GPR158: variants seen among roughly 807,000 people sequenced by gnomAD.
The protein encoded by GPR158 is G protein-coupled receptor 158, also known as metabotropic glycine receptor.
GPR158 carries 30 observed loss-of-function variants against 78.2 expected under a neutral mutation model. That is an observed-to-expected ratio of 0.38 (90% CI 0.29 to 0.52). The LOEUF is 0.52. Among genes scored for constraint, GPR158 ranks in the 20% least tolerant of loss-of-function variants. The pLI is 0.83. For missense variants in GPR158, 1,463 were observed against 1,523.5 expected (o/e 0.96, Z 0.66); for synonymous variants, 581 against 591.1 (o/e 0.98, Z 0.25).
chr10:25,473,182 C>T (rs1835533767), intron 5 of GPR158, among the ~76,000 whole-genome samples: 1 of 150,624 alleles, frequency 6.6e-6, no homozygotes, highest in Admixed American at 6.6e-5. Context: ...TGAATTTTGT[C>T]AAAGGCCTTT....
At chr10:25,368,180 C>G (rs1350917971) in intron 2 of GPR158, among the ~76,000 whole-genome samples, 3 of 151,838 alleles carry the variant, frequency 2.0e-5, no homozygotes, top group Admixed American at 2.0e-4. Context: ...TCCTTTCTGC[C>G]TTACTTCCCT....
Position 25,518,060 on chromosome 10 carries a change from G to A in GPR158, c.1405-32916G>A, listed in dbSNP as rs1198689249. ...TGCCACAATTTCAGCTCCTGTTATT[G>A]GTCTATTCAGAGATTCAACTTCTTC... On this transcript the variant is annotated intron_variant, in intron 5 of 10. Transcript: ENST00000376351. Among the ~76,000 whole-genome samples, 76 of 96,214 alleles carry A rather than the reference G, an allele frequency of 7.9e-4. 1 individual carries two copies. Among genetic ancestry groups the A allele is most frequent in the South Asian group, 1.0e-3 (3 of 2,882 alleles). The allele number at this position is 96,214 out of a possible 152,430, so 63.1% of individuals were successfully genotyped here. A position where few individuals can be genotyped will look rare whatever the true frequency, so the allele number is the denominator to read the frequency against.
At chr10:25,235,614 T>C (rs1345472999) in intron 2 of GPR158, among the ~76,000 whole-genome samples, 1 of 152,030 alleles carries the variant, frequency 6.6e-6, no homozygotes, top group Non-Finnish European at 1.5e-5. Context: ...CCACCCATAT[T>C]TCTTAACCTT....
intron 2 of GPR158, among the ~76,000 whole-genome samples, chr10:25,310,869 G>T (rs1854753942): frequency 6.6e-6 from 1 of 151,760 alleles, no homozygotes; most frequent in Non-Finnish European, 1.5e-5. Flanking sequence ...CTGGATTTTT[G>T]ATACACTTGG....
chr10:25,203,898 A>G (rs897398396), intron 1 of GPR158, among the ~76,000 whole-genome samples: 1 of 144,456 alleles, frequency 6.9e-6, no homozygotes, highest in East Asian at 2.1e-4. Context: ...TGAGCATGGA[A>G]TGTTCTTCCA....
rs1406435036 is a variant in GPR158, at chr10:25,599,217, T to C, written c.3591T>C (p.Ser1197=). The C allele has an allele frequency of 1.2e-6, 2 of 1,612,500 alleles. No homozygotes were observed. The highest frequency in any genetic ancestry group is 1.7e-6 in the Non-Finnish European group (2 of 1,179,848). Residue 1197 remains serine (S), a synonymous_variant, in exon 11 of 11, where the codon AGT becomes AGC. Coordinates refer to ENST00000376351, the MANE Select transcript of GPR158 (RefSeq NM_020752.3). ...CTTTACCTGCCTCTTCTGCTCTAAG[T>C]GCAAATAAGATAGCAGGGCCTAGGA... ...SVALPASSAL[S]ANKIAGPRKE... is the part of the protein sequence containing the mutation.
intron 7 of GPR158, among the ~76,000 whole-genome samples, chr10:25,587,165 C>T (rs1405408993): frequency 6.6e-6 from 1 of 152,148 alleles, no homozygotes; most frequent in African/African-American, 2.4e-5. Flanking sequence ...GTCTCATTGT[C>T]CAGATGCAGT....
intron 5 of GPR158, among the ~76,000 whole-genome samples, chr10:25,549,089 A>G (rs1836698674): frequency 6.6e-6 from 1 of 152,272 alleles, no homozygotes; most frequent in African/African-American, 2.4e-5. Context: ...GCTCCCAAGA[A>G]TCCACTGTTT....
intron 1 of GPR158, among the ~76,000 whole-genome samples, chr10:25,185,165 C>T (rs1358644777): frequency 1.3e-5 from 2 of 152,152 alleles, no homozygotes; most frequent in Admixed American, 6.5e-5. Flanking sequence ...ACATATGATA[C>T]ATAACGTATA....
intron 9 of GPR158, among the ~76,000 whole-genome samples, chr10:25,594,716 C>G (rs565302583): frequency 7.6e-5 from 10 of 132,354 alleles, no homozygotes; most frequent in Non-Finnish European, 1.3e-4. Flanking sequence ...CTCTCCTATT[C>G]TAAGAATCCT....
chr10:25,321,748 C>T (rs904693457), intron 2 of GPR158, among the ~76,000 whole-genome samples: 1 of 151,952 alleles, frequency 6.6e-6, no homozygotes, highest in Non-Finnish European at 1.5e-5. Flanking sequence ...ATTGAGCCTG[C>T]CTAGAATTGA....
chr10:25,212,194 A>G (rs1853140700), intron 1 of GPR158, among the ~76,000 whole-genome samples: 1 of 152,154 alleles, frequency 6.6e-6, no homozygotes. Context: ...TTATAACGAA[A>G]AGAGGTTTAA....
intron 2 of GPR158, among the ~76,000 whole-genome samples, chr10:25,305,297 A>G (rs1854656789): frequency 6.6e-6 from 1 of 152,182 alleles, no homozygotes; most frequent in African/African-American, 2.4e-5. Flanking sequence ...TAGTTTTTGT[A>G]TATTCAGTAG....
rs568339204 is a variant in GPR158 at position 25,492,071 on chromosome 10, A to T, written c.1404+25352A>T. Among the ~76,000 whole-genome samples the T allele has an allele frequency of 2.0e-4, 30 of 152,214 alleles. 1 individual carries two copies. Among genetic ancestry groups the T allele is most frequent in the Admixed American group, 1.6e-3 (25 of 15,262 alleles). ...CTGGTGGAGGTTTCAGGCTGCTTCC[A>T]CTCATGGTGGAAGGCGAAGGGGAGC... On this transcript the variant is annotated intron_variant, in intron 5 of 10. Coordinates refer to ENST00000376351, the MANE Select transcript of GPR158 (RefSeq NM_020752.3).
chr10:25,466,601 C>G (rs763041781), intron 4 of GPR158, 50 bp from the exon 5 acceptor site: 2 of 1,196,422 alleles, frequency 1.7e-6, no homozygotes, highest in South Asian at 2.6e-5. Flanking sequence ...GTGAATTCTC[C>G]AGGCTTAGAA....
At chr10:25,415,177 G>T (rs1834643287) in intron 4 of GPR158, among the ~76,000 whole-genome samples, 1 of 151,954 alleles carries the variant, frequency 6.6e-6, no homozygotes, top group Admixed American at 6.6e-5. Context: ...AGATAAATTG[G>T]ACTTCATGAA....
At chr10:25,340,886 A>G (rs976800615) in intron 2 of GPR158, among the ~76,000 whole-genome samples, 1 of 152,032 alleles carries the variant, frequency 6.6e-6, no homozygotes, top group African/African-American at 2.4e-5. Flanking sequence ...AGTACTATTA[A>G]CTCCAAGGAG....
intron 2 of GPR158, among the ~76,000 whole-genome samples, chr10:25,241,068 T>C (rs903207477): frequency 6.6e-5 from 10 of 152,150 alleles, no homozygotes; most frequent in Non-Finnish European, 1.2e-4. Flanking sequence ...AAAGAGGTTT[T>C]GTTTTTCTAT....
At chr10:25,421,235 T>C (rs1235922968) in intron 4 of GPR158, among the ~76,000 whole-genome samples, 1 of 152,232 alleles carries the variant, frequency 6.6e-6, no homozygotes, top group African/African-American at 2.4e-5. Flanking sequence ...GGTTTTATGA[T>C]TTGTATTGTC....
Sources: gnomAD v4.1 joint callset for allele counts (sites outside exome capture counted in the v4.1 genomes callset) on GRCh38, gnomAD v4.1.1 for gene constraint, MANE v1.5 for transcripts, NCBI Gene and HGNC (gene_info 2026-07-23, HGNC 2026-07-21) for gene names.